MGST1: variants seen among roughly 807,000 people sequenced by gnomAD.
MGST1 encodes microsomal glutathione S-transferase 1.
In MGST1, 5 loss-of-function variants were observed where a neutral mutation model predicts 8.9. The observed-to-expected ratio is 0.56, with a 90% CI of 0.29 to 1.19. The LOEUF (loss-of-function observed/expected upper bound fraction) is 1.19. Ranked by LOEUF, MGST1 falls within the 50% of genes most tolerant of loss-of-function variation. MGST1 has a pLI of 0.08. For synonymous variants in MGST1, 54 were observed against 67.8 expected (o/e 0.80, Z 1.00); for missense variants, 182 against 187.4 (o/e 0.97, Z 0.17).
At chr12:16,465,549 T>C (rs1332733836) in intron 4 of MGST1, among the ~76,000 whole-genome samples, 2 of 152,114 alleles carry the variant, frequency 1.3e-5, no homozygotes, top group Non-Finnish European at 2.9e-5. Context: ...CCGAACCCTA[T>C]TGTAAACTGC....
chr12:16,424,002 G>A (rs1940864292), intron 1 of MGST1, among the ~76,000 whole-genome samples: 1 of 152,116 alleles, frequency 6.6e-6, no homozygotes, highest in Non-Finnish European at 1.5e-5. Context: ...CACATTCAGA[G>A]TACATTTATA....
At chr12:16,372,719 T>C (rs1425531860) in intron 3 of MGST1, among the ~76,000 whole-genome samples, 1 of 151,780 alleles carries the variant, frequency 6.6e-6, no homozygotes, top group Non-Finnish European at 1.5e-5. Flanking sequence ...TAAAGAGATA[T>C]CTGTACTCTC....
chr12:16,495,825 G>A (rs935509202), intron 4 of MGST1, among the ~76,000 whole-genome samples: 2 of 151,674 alleles, frequency 1.3e-5, no homozygotes, highest in Non-Finnish European at 2.9e-5. Context: ...CCATTATAAC[G>A]CATCCTCCCT....
At chr12:16,356,712 C>CTTAT (rs369077696) in intron 2 of MGST1, among the ~76,000 whole-genome samples, 1 of 152,312 alleles carries the variant, frequency 6.6e-6, no homozygotes, top group East Asian at 1.9e-4. Flanking sequence ...ATGTGTACTT[C>CTTAT]TTATTCCTAG....
At chr12:16,514,311 G>T in intron 4 of MGST1, 1 of 302,166 alleles carries the variant, frequency 3.3e-6, no homozygotes. Context: ...TGAAGATCTT[G>T]ATGTGTCCCA....
At chr12:16,414,357 CTTT>C (rs375736641) in intron 1 of MGST1, among the ~76,000 whole-genome samples, 9 of 103,148 alleles carry the variant, frequency 8.7e-5, no homozygotes, top group Non-Finnish European at 1.4e-4. Context: ...TACCTGATTT[CTTT>C]TTTTTTTTTT....
At chr12:16,394,654 A>G (rs989089465) in intron 1 of MGST1, among the ~76,000 whole-genome samples, 5 of 150,826 alleles carry the variant, frequency 3.3e-5, no homozygotes, top group Non-Finnish European at 7.4e-5. Flanking sequence ...GTGCAGTGGC[A>G]TGATCTTGGC....
At chr12:16,394,558 C>G (rs1940587845) in intron 1 of MGST1, among the ~76,000 whole-genome samples, 2 of 73,220 alleles carry the variant, frequency 2.7e-5, no homozygotes, top group Admixed American at 3.7e-4. Flanking sequence ...TTCTTTCTTT[C>G]TTTCTTTCTT....
In MGST1 at chr12:16,394,485, CCTTT is replaced by C. The variant is rs755634713; in HGVS notation, n.778+10892_778+10895del. On this transcript the variant is annotated intron_variant and non_coding_transcript_variant, in intron 1 of 1. Transcript: ENST00000359720. Reference sequence around the variant, plus strand: ...TCCTCCCTCCCTTTCTATCTTTCTTCCTTTCTTTCTTTCTCTCTCTTTCTCTCCC... The same window carrying C: ...TCCTCCCTCCCTTTCTATCTTTCTTCCTTTCTTTCTCTCTCTTTCTCTCCC... 1.6e-4 allele frequency among the ~76,000 whole-genome samples: 20 copies of C among 121,410 alleles called. 1 individual carries two copies. The highest frequency in any genetic ancestry group is 8.4e-3 in the Middle Eastern group (2 of 238). The allele number at this position is 121,410 out of a possible 152,430, so 79.6% of individuals were successfully genotyped here.
At chr12:16,514,334 CT>C in intron 4 of MGST1, 1 of 298,834 alleles carries the variant, frequency 3.3e-6, no homozygotes. Flanking sequence ...TATTCCAACC[CT>C]CCCCTCAATG....
chr12:16,431,047 T>A (rs1940935779), intron 1 of MGST1, among the ~76,000 whole-genome samples: 1 of 152,254 alleles, frequency 6.6e-6, no homozygotes, highest in Non-Finnish European at 1.5e-5. Flanking sequence ...TTGCACTTTA[T>A]GTTATTAACA....
At chr12:16,444,183 G>GTTTTT (rs1161206533) in intron 4 of MGST1, among the ~76,000 whole-genome samples, 21 of 128,356 alleles carry the variant, frequency 1.6e-4, no homozygotes, top group African/African-American at 2.3e-4. Flanking sequence ...GGCTGATTTG[G>GTTTTT]TTTTTTTTTT....
chr12:16,522,847 A>G (rs988142229), intron 4 of MGST1, among the ~76,000 whole-genome samples: 6 of 151,970 alleles, frequency 3.9e-5, no homozygotes, highest in Non-Finnish European at 7.4e-5. Flanking sequence ...GCCTTAGGTA[A>G]CCTTTCTTTC....
At position 16,548,877 on chromosome 12, in the gene MGST1, T is replaced by C. The variant is rs1284099796; in HGVS notation, n.483-40651T>C. ...TAATCCAGGTGAGTAATTTTGTTTG[T>C]AGTAAAAAGCATAAGAAATAATTCT... is the stretch of plus-strand genomic sequence containing the variant. On this transcript the variant is annotated intron_variant and non_coding_transcript_variant, in intron 4 of 4. Transcript: ENST00000538857. The surrounding 1 kb of genome is among the most constrained non-coding windows in gnomAD (Gnocchi z 4.2). 1 of 152,094 alleles carries C rather than the reference T, an allele frequency of 6.6e-6. No homozygotes were observed. The highest frequency in any genetic ancestry group is 6.6e-5 in the Admixed American group (1 of 15,262). The allele number at this position is 152,094 out of a possible 1,614,324, so 9.4% of individuals were successfully genotyped here. A position where few individuals can be genotyped will look rare whatever the true frequency, so the allele number is the denominator to read the frequency against.
In MGST1 at chr12:16,580,213, A is replaced by G. The variant is rs574618995; in HGVS notation, n.483-9315A>G. Among the ~76,000 whole-genome samples the G allele has an allele frequency of 1.4e-3, 211 of 152,228 alleles. 3 individuals are homozygous for G. Among genetic ancestry groups the G allele is most frequent in the Non-Finnish European group, 1.8e-3 (122 of 68,004 alleles). ...ACTCCTGGGCTCAAGTGGTCCTCCC[A>G]CCTCAATCTCCCTAGTAGCTTAGAC... On this transcript the variant is annotated intron_variant and non_coding_transcript_variant, in intron 4 of 4. Coordinates refer to the MGST1 transcript ENST00000538857.
intron 1 of MGST1, among the ~76,000 whole-genome samples, chr12:16,409,280 T>C (rs1180518997): frequency 1.3e-5 from 2 of 151,852 alleles, no homozygotes; most frequent in Non-Finnish European, 2.9e-5. Context: ...ATGTGTGTGT[T>C]TGTGTGTGTG....
intron 4 of MGST1, among the ~76,000 whole-genome samples, chr12:16,526,575 G>A (rs189172771): frequency 1.3e-5 from 2 of 151,824 alleles, no homozygotes; most frequent in East Asian, 3.9e-4. Flanking sequence ...TTGATACTAA[G>A]CATATTTTTG....
chr12:16,382,453 T>G (rs1326080665), upstream of MGST1, among the ~76,000 whole-genome samples: 1 of 152,116 alleles, frequency 6.6e-6, no homozygotes, highest in Non-Finnish European at 1.5e-5. Flanking sequence ...TAGAACAGTG[T>G]GTATTGGTGA....
intron 4 of MGST1, among the ~76,000 whole-genome samples, chr12:16,481,695 A>G (rs1231898422): frequency 6.6e-6 from 1 of 152,168 alleles, no homozygotes; most frequent in African/African-American, 2.4e-5. Context: ...CATACAAAAT[A>G]CAGCACAAAG....
Sources: allele counts gnomAD v4.1 joint callset (sites outside exome capture counted in the v4.1 genomes callset), GRCh38; gene constraint gnomAD v4.1.1; non-coding constraint Gnocchi (gnomAD v3.1); transcripts MANE v1.5; gene names NCBI Gene and HGNC (gene_info 2026-07-23, HGNC 2026-07-21).